PAK5: variants seen among roughly 807,000 people sequenced by gnomAD.
PAK5 encodes the protein serine/threonine-protein kinase PAK 5.
In PAK5, 16 loss-of-function variants were observed where a neutral mutation model predicts 65.9. That is an observed-to-expected ratio of 0.24 (90% CI 0.16 to 0.37). The LOEUF (loss-of-function observed/expected upper bound fraction) is 0.37. Ranked by LOEUF, PAK5 falls within the 10% of genes least tolerant of loss-of-function variation. The pLI is 1.00. For missense variants in PAK5, 785 were observed against 903.9 expected (o/e 0.87, Z 1.69); for synonymous variants, 371 against 354.9 (o/e 1.05, Z -0.51).
At chr20:9,666,457 G>T (rs1600218393) in intron 2 of PAK5, among the ~76,000 whole-genome samples, 1 of 138,026 alleles carries the variant, frequency 7.2e-6, no homozygotes, top group Non-Finnish European at 1.6e-5. Flanking sequence ...AAAAGAGAAA[G>T]AAAGAAAGAA....
chr20:9,613,175 C>G (rs890937093), intron 3 of PAK5, among the ~76,000 whole-genome samples: 1 of 152,288 alleles, frequency 6.6e-6, no homozygotes, highest in Middle Eastern at 3.4e-3. Context: ...TCCAGTGACA[C>G]GTAGGAAGCT....
At chr20:9,745,416 T>C (rs1438236762) in intron 1 of PAK5, among the ~76,000 whole-genome samples, 1 of 152,016 alleles carries the variant, frequency 6.6e-6, no homozygotes, top group African/African-American at 2.4e-5. Context: ...GTGACTCAGT[T>C]TGTGAAATGA....
intron 1 of PAK5, among the ~76,000 whole-genome samples, chr20:9,751,265 C>G (rs955155433): frequency 6.6e-6 from 1 of 152,114 alleles, no homozygotes; most frequent in Non-Finnish European, 1.5e-5. Flanking sequence ...TGCTTTCCAT[C>G]TCGGGAGAGG....
intron 2 of PAK5, among the ~76,000 whole-genome samples, chr20:9,700,892 T>G (rs983580665): frequency 1.3e-5 from 2 of 152,160 alleles, no homozygotes; most frequent in Non-Finnish European, 2.9e-5. Context: ...TGCATATTTT[T>G]GTTTTTTAAT....
chr20:9,713,018 G>A (rs2123492178), intron 1 of PAK5, among the ~76,000 whole-genome samples: 1 of 151,978 alleles, frequency 6.6e-6, no homozygotes, highest in Admixed American at 6.6e-5. Flanking sequence ...TAGACAAATG[G>A]GATTACATCA....
At chr20:9,610,961 G>A (rs1239136649) in intron 3 of PAK5, among the ~76,000 whole-genome samples, 1 of 152,192 alleles carries the variant, frequency 6.6e-6, no homozygotes, top group African/African-American at 2.4e-5. Context: ...GTCCTTCAGT[G>A]CTCATTCAAA....
At chr20:9,678,833 A>G (rs1187301095) in intron 2 of PAK5, among the ~76,000 whole-genome samples, 1 of 151,934 alleles carries the variant, frequency 6.6e-6, no homozygotes, top group African/African-American at 2.4e-5. Flanking sequence ...TGATTAAATT[A>G]CCTCCCACTG....
intron 1 of PAK5, among the ~76,000 whole-genome samples, chr20:9,717,890 C>A: frequency 6.6e-6 from 1 of 152,118 alleles, no homozygotes; most frequent in East Asian, 1.9e-4. Flanking sequence ...AAAGTGCTGG[C>A]ATTACAGGTG....
chr20:9,737,373 T>C (rs1421701528), intron 1 of PAK5, among the ~76,000 whole-genome samples: 4 of 152,118 alleles, frequency 2.6e-5, no homozygotes, highest in Non-Finnish European at 5.9e-5. Context: ...AAAACATAGA[T>C]TTCAGAGCAA....
chr20:9,729,989 G>A (rs1380698276), intron 1 of PAK5, among the ~76,000 whole-genome samples: 2 of 101,472 alleles, frequency 2.0e-5, no homozygotes, highest in Non-Finnish European at 1.9e-5. Flanking sequence ...TCAAGCCTGG[G>A]CAACAGGGAA....
intron 1 of PAK5, among the ~76,000 whole-genome samples, chr20:9,722,618 A>C (rs1335312021): frequency 5.9e-5 from 9 of 152,236 alleles, no homozygotes; most frequent in Non-Finnish European, 1.2e-4. Flanking sequence ...GTCTCAAATA[A>C]ATAAATAAAT....
At chr20:9,594,500 G>T (rs2046229237) in intron 3 of PAK5, among the ~76,000 whole-genome samples, 1 of 152,158 alleles carries the variant, frequency 6.6e-6, no homozygotes, top group Non-Finnish European at 1.5e-5. Context: ...ACATTGAAAA[G>T]GATGCTGATT....
At chr20:9,836,141 T>G (rs1979129872) in intron 1 of PAK5, among the ~76,000 whole-genome samples, 2 of 151,072 alleles carry the variant, frequency 1.3e-5, no homozygotes, top group Admixed American at 1.3e-4. Flanking sequence ...TAAATAATCT[T>G]TAAAGTATTT....
At chr20:9,597,204 G>C (rs2046285694) in intron 3 of PAK5, among the ~76,000 whole-genome samples, 1 of 152,178 alleles carries the variant, frequency 6.6e-6, no homozygotes, top group South Asian at 2.1e-4. Context: ...TCTGTACTGA[G>C]AGGGTTTCCC....
At chr20:9,816,430 T>C (rs1193594093) in intron 1 of PAK5, among the ~76,000 whole-genome samples, 1 of 152,118 alleles carries the variant, frequency 6.6e-6, no homozygotes, top group East Asian at 1.9e-4. Context: ...CATCGGAGTG[T>C]TTCCAGAAGA....
chr20:9,550,274 C>A (rs1048820050), intron 7 of PAK5, among the ~76,000 whole-genome samples: 1 of 152,156 alleles, frequency 6.6e-6, no homozygotes, highest in African/African-American at 2.4e-5. Context: ...AGTGAAGAGG[C>A]TGCAACTGTG....
At chr20:9,674,771 T>C (rs1417925042) in intron 2 of PAK5, among the ~76,000 whole-genome samples, 1 of 152,202 alleles carries the variant, frequency 6.6e-6, no homozygotes, top group East Asian at 1.9e-4. Context: ...CTCAGTCTAA[T>C]ATCAAGGGAA....
intron 2 of PAK5, among the ~76,000 whole-genome samples, chr20:9,654,876 C>G (rs1356874312): frequency 1.3e-5 from 2 of 152,176 alleles, no homozygotes; most frequent in Non-Finnish European, 2.9e-5. Flanking sequence ...TTTCTGGTCT[C>G]AGATCAAATG....
chr20:9,767,926 A>C (rs2048787997), intron 1 of PAK5, among the ~76,000 whole-genome samples: 1 of 152,158 alleles, frequency 6.6e-6, no homozygotes, highest in South Asian at 2.1e-4. Context: ...TGCAACCATA[A>C]AAAAAGAATG....
Sources: allele counts gnomAD v4.1 joint callset (sites outside exome capture counted in the v4.1 genomes callset), GRCh38; gene constraint gnomAD v4.1.1; transcripts MANE v1.5; gene names NCBI Gene and HGNC (gene_info 2026-07-23, HGNC 2026-07-21).